PDZD2: variants seen among roughly 807,000 people sequenced by gnomAD.
The protein encoded by PDZD2 is PDZ domain containing 2, also known as PDZ domain-containing protein 2.
Under a neutral mutation model 220.7 loss-of-function variants are expected in PDZD2, and 90 were observed. The observed-to-expected ratio is 0.41, with a 90% CI of 0.34 to 0.49. The LOEUF (loss-of-function observed/expected upper bound fraction) is 0.49, where lower values mean the gene tolerates loss of function less well. Among genes scored for constraint, PDZD2 ranks in the 20% least tolerant of loss-of-function variants. The pLI, the probability that PDZD2 is intolerant of heterozygous loss-of-function variation, is 0.28. For missense variants in PDZD2, 3,174 were observed against 3,608.5 expected (o/e 0.88, Z 3.08); for synonymous variants, 1,375 against 1,450.5 (o/e 0.95, Z 1.18).
intron 2 of PDZD2, among the ~76,000 whole-genome samples, chr5:31,967,062 C>T (rs186907529): frequency 1.2e-4 from 18 of 152,302 alleles, no homozygotes; most frequent in Admixed American, 8.5e-4. Context: ...AGAAAAGAAG[C>T]CCACTATTTT....
intron 1 of PDZD2, among the ~76,000 whole-genome samples, chr5:31,694,442 G>A (rs1055092784): frequency 2.0e-5 from 3 of 152,144 alleles, no homozygotes; most frequent in Non-Finnish European, 4.4e-5. Flanking sequence ...GTTAAAAGCT[G>A]GAAACAACCA....
At chr5:31,884,950 A>G (rs907047189) in intron 2 of PDZD2, among the ~76,000 whole-genome samples, 4 of 152,032 alleles carry the variant, frequency 2.6e-5, no homozygotes, top group African/African-American at 9.7e-5. Flanking sequence ...GCCGGCCACT[A>G]TATTGTTAAT....
At chr5:31,864,251 T>C (rs1464397008) in intron 2 of PDZD2, among the ~76,000 whole-genome samples, 2 of 152,192 alleles carry the variant, frequency 1.3e-5, no homozygotes, top group African/African-American at 2.4e-5. Context: ...GCTGCTTCCT[T>C]CCCATGCTCT....
At chr5:31,766,787 A>G (rs1203852641) in intron 1 of PDZD2, among the ~76,000 whole-genome samples, 1 of 151,186 alleles carries the variant, frequency 6.6e-6, no homozygotes, top group Non-Finnish European at 1.5e-5. Flanking sequence ...CTGGAGTGCA[A>G]TGGCGCATCT....
intron 1 of PDZD2, among the ~76,000 whole-genome samples, chr5:31,747,193 A>T (rs895828033): frequency 2.0e-5 from 3 of 152,184 alleles, no homozygotes; most frequent in Admixed American, 6.5e-5. Context: ...TAATTTTTTT[A>T]AAAGTTTTAC....
At chr5:32,016,341 C>G (rs72759693) in intron 6 of PDZD2, among the ~76,000 whole-genome samples, 1 of 152,124 alleles carries the variant, frequency 6.6e-6, no homozygotes, top group Non-Finnish European at 1.5e-5. Flanking sequence ...TTGGTTGATT[C>G]GTGGTGTCCT....
chr5:31,761,734 G>C (rs919728865), intron 1 of PDZD2, among the ~76,000 whole-genome samples: 3 of 151,678 alleles, frequency 2.0e-5, no homozygotes, highest in African/African-American at 7.3e-5. Context: ...GGTAGTGGGT[G>C]CCTGTAATCC....
intron 2 of PDZD2, among the ~76,000 whole-genome samples, chr5:31,976,056 A>T (rs1012117705): frequency 2.0e-5 from 3 of 151,954 alleles, no homozygotes; most frequent in Non-Finnish European, 1.5e-5. Context: ...AAAAAATTCC[A>T]CCTTGAGTCC....
At chr5:31,736,129 G>C (rs1749846979) in intron 1 of PDZD2, among the ~76,000 whole-genome samples, 1 of 152,166 alleles carries the variant, frequency 6.6e-6, no homozygotes, top group African/African-American at 2.4e-5. Context: ...GCAGTTTTCA[G>C]CTATTCACTG....
Position 31,807,826 on chromosome 5 carries a change from A to T in PDZD2, c.476+8102A>T, listed in dbSNP as rs540288010. ...GGAGGGGGCTGGGGGGCTCAGGGCG[A>T]CAGGCCAATTGGTACGGAAGTATGA... is the stretch of plus-strand genomic sequence containing the variant. On this transcript the variant is annotated intron_variant, in intron 2 of 24. Transcript: ENST00000438447. 8.5e-5 allele frequency among the ~76,000 whole-genome samples: 13 copies of T among 152,284 alleles called. No individual in the cohort carries two copies. In the South Asian group the frequency reaches 2.7e-3, roughly 32 times the overall value.
chr5:32,091,366 C>G (rs370718571), intron 20 of PDZD2, among the ~76,000 whole-genome samples, 191 bp downstream of exon 20: 32 of 147,302 alleles, frequency 2.2e-4, no homozygotes, highest in Non-Finnish European at 4.7e-4. Flanking sequence ...CTCACTGCAA[C>G]CTCTGCCTCC....
Position 32,098,064 on chromosome 5 carries a change from G to A in PDZD2, c.7948-300G>A, listed in dbSNP as rs1007761214. ...AGGTCAGGAGTTTGAGACCAGCATG[G>A]CCAACATGGTGAAACCCTGTCCGTC... On this transcript the variant is annotated intron_variant, in intron 22 of 24. Transcript: ENST00000438447. This position sits in a 1 kb window ranked among gnomAD's most constrained non-coding sequence, Gnocchi z 4.1. Among the ~76,000 whole-genome samples, 23 of 152,144 alleles carry A rather than the reference G, an allele frequency of 1.5e-4. No homozygotes were observed. Among genetic ancestry groups the A allele is most frequent in the African/African-American group, 5.3e-4 (22 of 41,432 alleles).
chr5:31,737,805 T>A (rs10061987), intron 1 of PDZD2, among the ~76,000 whole-genome samples: 39,265 of 152,036 alleles, frequency 0.26, 5,230 homozygotes, highest in African/African-American at 0.3. Flanking sequence ...CATGACTACT[T>A]AGAATGAAAT....
intron 18 of PDZD2, among the ~76,000 whole-genome samples, chr5:32,075,363 T>G (rs956712516): frequency 6.6e-6 from 1 of 152,190 alleles, no homozygotes; most frequent in Non-Finnish European, 1.5e-5. Flanking sequence ...TCTGCCTTGG[T>G]CATCTCACAG....
intron 2 of PDZD2, among the ~76,000 whole-genome samples, chr5:31,903,644 CAAA>C (rs59822169): frequency 8.9e-4 from 89 of 99,684 alleles, no homozygotes; most frequent in Non-Finnish European, 1.3e-3. Flanking sequence ...GACCCTGTCT[CAAA>C]AAAAAAAAAA....
rs35433686 is a variant in PDZD2, at chr5:32,082,025, GT to G, written c.3682+4433del. On this transcript the variant is annotated intron_variant, in intron 19 of 24. Coordinates refer to ENST00000438447, the MANE Select transcript of PDZD2 (RefSeq NM_178140.4). The stretch of plus-strand genomic sequence containing the variant: ...GAGCCACCGCGCCTGGCATATCTTT[GT>G]TTTTTTTTTTTTTGAGACAGAGTCT... Among the ~76,000 whole-genome samples, 1,273 of 132,140 alleles carry G rather than the reference GT, an allele frequency of 9.6e-3. 12 individuals are homozygous for G. The highest frequency in any genetic ancestry group is 0.057 in the Middle Eastern group (13 of 230). The allele number at this position is 132,140 out of a possible 152,430, so 86.7% of individuals were successfully genotyped here.
intron 1 of PDZD2, among the ~76,000 whole-genome samples, chr5:31,780,392 G>A (rs1209649986): frequency 6.6e-6 from 1 of 152,182 alleles, no homozygotes; most frequent in Non-Finnish European, 1.5e-5. Context: ...GCTTTTTCTT[G>A]TGGTTCTGAG....
At chr5:32,048,409 G>T in intron 7 of PDZD2, 130 bp from the exon 8 acceptor site, 1 of 694,164 alleles carries the variant, frequency 1.4e-6, no homozygotes, top group South Asian at 1.8e-5. Context: ...TCTGTGCTTT[G>T]AGTGTATTGG....
At chr5:31,911,967 T>G (rs1422905578) in intron 2 of PDZD2, among the ~76,000 whole-genome samples, 2 of 152,344 alleles carry the variant, frequency 1.3e-5, no homozygotes, top group East Asian at 1.9e-4. Context: ...GGGGTATGGT[T>G]GTTTCACATT....
Sources: allele counts gnomAD v4.1 joint callset (sites outside exome capture counted in the v4.1 genomes callset), GRCh38; gene constraint gnomAD v4.1.1; non-coding constraint Gnocchi (gnomAD v3.1); transcripts MANE v1.5; gene names NCBI Gene and HGNC (gene_info 2026-07-23, HGNC 2026-07-21).